TTLL4: variants seen among roughly 807,000 people sequenced by gnomAD.
The protein encoded by TTLL4 is tubulin tyrosine ligase like 4, also known as tubulin monoglutamylase TTLL4.
In TTLL4, 85 loss-of-function variants were observed where a neutral mutation model predicts 122.7. That is an observed-to-expected ratio of 0.69 (90% CI 0.58 to 0.83). TTLL4 has a LOEUF of 0.83. Ranked by LOEUF, TTLL4 falls within the 40% of genes least tolerant of loss-of-function variation. The pLI is 0.00. For synonymous variants in TTLL4, 553 were observed against 563.0 expected (o/e 0.98, Z 0.25); for missense variants, 1,363 against 1,488.6 (o/e 0.92, Z 1.39).
At chr2:218,716,655 A>G (rs993563227) in intron 1 of TTLL4, among the ~76,000 whole-genome samples, 6 of 152,084 alleles carry the variant, frequency 3.9e-5, no homozygotes, top group Admixed American at 3.9e-4. Flanking sequence ...CGGGCGTGGT[A>G]GTAAGTGCCT....
intron 2 of TTLL4, among the ~76,000 whole-genome samples, chr2:218,728,354 C>G (rs1345661150): frequency 6.6e-6 from 1 of 152,170 alleles, no homozygotes; most frequent in African/African-American, 2.4e-5. Context: ...AGTGACAGAT[C>G]ATCAGGCATT....
At chr2:218,728,703 AG>A (rs1942265016) in intron 2 of TTLL4, among the ~76,000 whole-genome samples, 1 of 152,220 alleles carries the variant, frequency 6.6e-6, no homozygotes, top group East Asian at 1.9e-4. Flanking sequence ...ATTTGTGCCC[AG>A]GAGACCTGTA....
intron 2 of TTLL4, 126 bp downstream of exon 2, chr2:218,727,473 T>C (rs969903972): frequency 9.2e-5 from 14 of 152,202 alleles, no homozygotes; most frequent in African/African-American, 3.4e-4. Context: ...TCACCAAGTT[T>C]CCTTATAACT....
At chr2:218,719,655 TG>T in intron 1 of TTLL4, among the ~76,000 whole-genome samples, 1 of 151,890 alleles carries the variant, frequency 6.6e-6, no homozygotes, top group East Asian at 1.9e-4. Context: ...TCATCTGGAA[TG>T]CTTGTTAAAA....
At position 218,737,874 on chromosome 2, in the gene TTLL4, G is replaced by T. The variant is rs1942574194; in HGVS notation, c.198G>T (p.Gly66=). ...AGCAAGTGGAGACACTGTCAGCAGG[G>T]TTGGGCCCAGGCCTCTTGGGCGTCC... ...EKKQVETLSA[G]LGPGLLGVPP... The change falls in exon 3 of 20, where the codon GGG becomes GGT. Residue 66 remains glycine (G), a synonymous_variant. Transcript: ENST00000392102. 6.2e-7 allele frequency: 1 copy of T among 1,614,106 alleles called. No individual in the cohort carries two copies. The highest frequency in any genetic ancestry group is 1.1e-5 in the South Asian group (1 of 91,082).
chr2:218,753,058 G>A (rs552783246), intron 17 of TTLL4, 57 bp from the exon 18 acceptor site: 30 of 1,613,058 alleles, frequency 1.9e-5, no homozygotes, highest in Non-Finnish European at 2.5e-5. Context: ...TCTCTGGAAA[G>A]AATTGGCCAA....
intron 1 of TTLL4, among the ~76,000 whole-genome samples, chr2:218,712,422 C>G (rs112195033): frequency 0.024 from 3,665 of 151,260 alleles, 158 homozygotes; most frequent in African/African-American, 0.084. Context: ...AGTCTTGCTC[C>G]GTCACCCAGG....
Position 218,738,160 on chromosome 2 carries a change from G to A in TTLL4, c.484G>A (p.Ala162Thr). 1 of 1,613,932 alleles carries A rather than the reference G, an allele frequency of 6.2e-7. No homozygotes were observed. The highest frequency in any genetic ancestry group is 8.5e-7 in the Non-Finnish European group (1 of 1,179,996). ...CCCTGTCAGTCTCACTGCCAACAAGGCCACTTCTTCCATGGTCTTCTCCAT... is the reference window on the plus strand; with the variant it reads ...CCCTGTCAGTCTCACTGCCAACAAGACCACTTCTTCCATGGTCTTCTCCAT... ...SLPVSLTANK[A>T]TSSMVFSMAQ... Residue 162 changes from alanine (A) to threonine (T), a missense_variant, in exon 3 of 20, where the codon GCC becomes ACC. Transcript: ENST00000392102.
rs376382314 is a variant in TTLL4 at position 218,754,318 on chromosome 2, C to A, written c.3529C>A (p.Gln1177Lys). Reference sequence around the variant, plus strand: ...GTTACCTGTGATCAAGTGCTCTGGGCAGACTTCAAGACTTTCTGCTTCCTC... The same window carrying A: ...GTTACCTGTGATCAAGTGCTCTGGGAAGACTTCAAGACTTTCTGCTTCCTC... Reference protein sequence around the residue: ...QTLPVIKCSGQTSRLSASSTF... With the variant: ...QTLPVIKCSGKTSRLSASSTF... The change falls in exon 20 of 20, where the codon CAG (glutamine) becomes AAG (lysine). Residue 1177 changes from glutamine to lysine, a missense_variant. Around this residue, in one of 3 missense-constraint regions of TTLL4, gnomAD observed 596 missense variants for 655.8 expected, o/e 0.91. Coordinates refer to ENST00000392102, the MANE Select transcript of TTLL4 (RefSeq NM_014640.5). 3.1e-6 allele frequency: 5 copies of A among 1,614,184 alleles called. No individual in the cohort carries two copies. Among genetic ancestry groups the A allele is most frequent in the Non-Finnish European group, 4.2e-6 (5 of 1,180,034 alleles).
downstream of TTLL4, among the ~76,000 whole-genome samples, chr2:218,758,538 A>G (rs1367763585): frequency 6.6e-6 from 1 of 152,240 alleles, no homozygotes; most frequent in Non-Finnish European, 1.5e-5. Flanking sequence ...CTATGGTAAA[A>G]TATACTTTGA....
chr2:218,718,747 C>T (rs1424081831), intron 1 of TTLL4, among the ~76,000 whole-genome samples: 1 of 152,188 alleles, frequency 6.6e-6, no homozygotes, highest in African/African-American at 2.4e-5. Context: ...GAGGCAAAAT[C>T]ACCCCATAAA....
chr2:218,726,665 C>G lies in TTLL4; in HGVS notation c.-177-604C>G, dbSNP rs549300438. On this transcript the variant is annotated intron_variant, in intron 1 of 19. Transcript: ENST00000392102. ...TGGTTTTAGTAGAAATGGGGTTTCA[C>G]TGTCTTGGCCAGGCTGGTCTCGAAC... Among the ~76,000 whole-genome samples the G allele has an allele frequency of 5.3e-5, 8 of 152,230 alleles. No individual in the cohort carries two copies. The East Asian group carries it at 1.4e-3, about 26-fold the overall frequency.
At chr2:218,746,625 C>T in intron 8 of TTLL4, 1 of 355,096 alleles carries the variant, frequency 2.8e-6, no homozygotes, top group Non-Finnish European at 5.2e-6. Context: ...TCCATTCTCC[C>T]AAGCTGAATA....
rs1055943754 is a variant in TTLL4 at position 218,736,998 on chromosome 2, C to T, written c.-98-581C>T. 1.3e-4 allele frequency among the ~76,000 whole-genome samples: 20 copies of T among 152,088 alleles called. 1 individual carries two copies. Among genetic ancestry groups the T allele is most frequent in the African/African-American group, 4.6e-4 (19 of 41,420 alleles). On this transcript the variant is annotated intron_variant, in intron 2 of 19. Coordinates refer to ENST00000392102, the MANE Select transcript of TTLL4 (RefSeq NM_014640.5). ...CCCAGTAGCTGGGACTTCAGGTGCA[C>T]GCCACAATGCCTAGCTAATTTTTGG...
rs750903171 is a variant in TTLL4 at position 218,748,851 on chromosome 2, G to C, written c.2517G>C (p.Leu839Phe). Residue 839 changes from leucine (L) to phenylalanine (F), a missense_variant, in exon 13 of 20, where the codon TTG (leucine) becomes TTC (phenylalanine). Around this residue, in one of 3 missense-constraint regions of TTLL4, gnomAD observed 596 missense variants for 655.8 expected, o/e 0.91. Transcript: ENST00000392102. ...TCCTCTGCAGGGCACTGAAGGCTTT[G>C]TGGAACTACCTGAGCCAGAAGGGAG... is the stretch of plus-strand genomic sequence containing the variant. ...CQGHKWALKALWNYLSQKGVN... is the reference protein window; with the variant it reads ...CQGHKWALKAFWNYLSQKGVN... 2.5e-6 allele frequency: 4 copies of C among 1,613,944 alleles called. 1 individual carries two copies. The South Asian group carries it at 4.4e-5, about 18-fold the overall frequency.
intron 8 of TTLL4, 40 bp from the exon 9 acceptor site, chr2:218,746,963 C>T: frequency 1.3e-6 from 2 of 1,599,596 alleles, no homozygotes; most frequent in Non-Finnish European, 1.7e-6. Context: ...ATGGCCTCAC[C>T]TCTGCCCTCT....
At chr2:218,753,077 A>G in intron 17 of TTLL4, 38 bp from the exon 18 acceptor site, 1 of 1,613,790 alleles carries the variant, frequency 6.2e-7, no homozygotes, top group Non-Finnish European at 8.5e-7. Flanking sequence ...AATTGATTCT[A>G]CCTTCTTAAA....
intron 1 of TTLL4, among the ~76,000 whole-genome samples, chr2:218,711,973 A>G (rs1376813433): frequency 6.6e-6 from 1 of 151,760 alleles, no homozygotes; most frequent in African/African-American, 2.4e-5. Flanking sequence ...CTGAATACTG[A>G]GACACTGTTT....
Position 218,750,095 on chromosome 2 carries a change from A to T in TTLL4, c.2822A>T (p.Asn941Ile). The T allele has an allele frequency of 6.2e-7, 1 of 1,614,092 alleles. No homozygotes were observed. Among genetic ancestry groups the T allele is most frequent in the East Asian group, 2.2e-5 (1 of 44,880 alleles). The change falls in exon 15 of 20, where the codon AAT becomes ATT. Residue 941 changes from asparagine (N) to isoleucine (I), a missense_variant. Transcript: ENST00000392102. Reference sequence around the variant, plus strand: ...AATCTGGCAGGTTTTGTCCTGCCCAATGCAGAGGATATCATTTCCAGCCCC... The same window carrying T: ...AATCTGGCAGGTTTTGTCCTGCCCATTGCAGAGGATATCATTTCCAGCCCC... ...LLNLAGFVLP[N>I]AEDIISSPSS...
Sources: allele counts gnomAD v4.1 joint callset (sites outside exome capture counted in the v4.1 genomes callset), GRCh38; gene constraint gnomAD v4.1.1; regional missense constraint gnomAD v4.1.1; transcripts MANE v1.5; gene names NCBI Gene and HGNC (gene_info 2026-07-23, HGNC 2026-07-21).